IDO2: variants seen among roughly 807,000 people sequenced by gnomAD.
IDO2 encodes indoleamine 2,3-dioxygenase-like 1 protein.
Under a neutral mutation model 45.1 loss-of-function variants are expected in IDO2, and 46 were observed. The ratio of observed to expected loss-of-function variants is 1.02; its 90% CI spans 0.80 to 1.30. IDO2 has a LOEUF of 1.30. Ranked by LOEUF, IDO2 falls within the 50% of genes most tolerant of loss-of-function variation. The probability of loss-of-function intolerance (pLI) is 0.00; values close to 1 mark genes in which losing one functional copy is unlikely to be tolerated. For synonymous variants in IDO2, 218 were observed against 184.9 expected (o/e 1.18, Z -1.45); for missense variants, 544 against 491.8 (o/e 1.11, Z -1.00).
rs1278469066 is a variant in IDO2 at position 40,015,144 on chromosome 8, G to A, written c.869-103G>A. The A allele has an allele frequency of 2.5e-5, 17 of 681,760 alleles. No homozygotes were observed. In the Middle Eastern group the frequency reaches 1.2e-3, roughly 50 times the overall value. 42.2% of individuals were successfully genotyped at this position (681,760 alleles called of 1,614,324 possible). A position where few individuals can be genotyped will look rare whatever the true frequency, so the allele number is the denominator to read the frequency against. On this transcript the variant is annotated intron_variant, in intron 10 of 10. Coordinates refer to ENST00000502986, the Ensembl canonical transcript of IDO2. ...CACTCCAGCCTGGGCAACAGAGCAAGATCTCATCTAGAGAAAAAAAAAATA... is the reference window on the plus strand; with the variant it reads ...CACTCCAGCCTGGGCAACAGAGCAAAATCTCATCTAGAGAAAAAAAAAATA...
At chr8:39,960,873 C>T (rs539369421) in intron 2 of IDO2, among the ~76,000 whole-genome samples, 31 of 152,302 alleles carry the variant, frequency 2.0e-4, no homozygotes, top group Non-Finnish European at 3.8e-4. Flanking sequence ...AGCTCCACCT[C>T]CCGGGTTCAT....
At chr8:39,936,922 C>G (rs1807561769) in intron 1 of IDO2, among the ~76,000 whole-genome samples, 3 of 152,196 alleles carry the variant, frequency 2.0e-5, no homozygotes, top group Admixed American at 6.5e-5. Context: ...GGCCTTATCA[C>G]CTCCTCCTTC....
rs548938758 is a variant in IDO2, at chr8:39,953,057, T to G, written c.99+3793T>G. Among the ~76,000 whole-genome samples, 628 of 152,130 alleles carry G rather than the reference T, an allele frequency of 4.1e-3. 3 individuals are homozygous for G. The highest frequency in any genetic ancestry group is 0.014 in the African/African-American group (597 of 41,508). On this transcript the variant is annotated intron_variant, in intron 2 of 10. Coordinates refer to ENST00000502986, the Ensembl canonical transcript of IDO2. Reference sequence around the variant, plus strand: ...TTCAAGGATTACAGCCATGAACCACTGCGCCTGGCCTAATTTTTGTATTTT... The same window carrying G: ...TTCAAGGATTACAGCCATGAACCACGGCGCCTGGCCTAATTTTTGTATTTT...
chr8:39,959,233 G>A (rs569153723), intron 2 of IDO2, among the ~76,000 whole-genome samples: 18 of 151,124 alleles, frequency 1.2e-4, no homozygotes, highest in African/African-American at 3.6e-4. Context: ...TTAGCCTCCC[G>A]AGTAGCTGGG....
intron 2 of IDO2, among the ~76,000 whole-genome samples, chr8:39,959,713 C>T (rs1807964376): frequency 1.3e-5 from 2 of 152,086 alleles, no homozygotes; most frequent in African/African-American, 4.8e-5. Flanking sequence ...ATCCCAGCTA[C>T]TCTGGAGGCT....
intron 2 of IDO2, among the ~76,000 whole-genome samples, chr8:39,949,512 A>T (rs1345118640): frequency 6.6e-6 from 1 of 152,186 alleles, no homozygotes; most frequent in Non-Finnish European, 1.5e-5. Flanking sequence ...CAGGCCAGAG[A>T]AATTATAAGC....
chr8:40,001,590 G>GT (rs1173034756), intron 8 of IDO2, among the ~76,000 whole-genome samples: 13 of 151,022 alleles, frequency 8.6e-5, no homozygotes, highest in Middle Eastern at 3.4e-3. Flanking sequence ...TATCTTACTT[G>GT]TTTTTTTTAA....
At position 39,949,129 on chromosome 8, in the gene IDO2, CA is replaced by C; in HGVS notation, c.-17-19del. The stretch of plus-strand genomic sequence containing the variant: ...AATTTATTAGGAACAATTGATTCTT[CA>C]GTGACACTTTCCATGCAGATACTTC... On this transcript the variant is annotated intron_variant, in intron 1 of 10. Transcript: ENST00000502986. The C allele has an allele frequency of 6.3e-7, 1 of 1,581,006 alleles. No individual in the cohort carries two copies. The highest frequency in any genetic ancestry group is 8.6e-7 in the Non-Finnish European group (1 of 1,162,054).
At chr8:39,966,941 T>C (rs1274398026) in intron 3 of IDO2, among the ~76,000 whole-genome samples, 1 of 152,214 alleles carries the variant, frequency 6.6e-6, no homozygotes. Flanking sequence ...GCTTTAAATA[T>C]TTTATTTAGT....
intron 2 of IDO2, among the ~76,000 whole-genome samples, chr8:39,960,295 C>T (rs1195522371): frequency 6.6e-6 from 1 of 151,124 alleles, no homozygotes; most frequent in Non-Finnish European, 1.5e-5. Context: ...GAAATTGAGT[C>T]CATAAAAAGT....
At chr8:40,008,901 T>A (rs1323628922) in intron 9 of IDO2, among the ~76,000 whole-genome samples, 1 of 152,238 alleles carries the variant, frequency 6.6e-6, no homozygotes. Flanking sequence ...TAAGTGTAGA[T>A]GGACAAAAAT....
rs1554549463 is a variant in IDO2, at chr8:40,004,525, T to TGATAGATGATA, written c.668-795_668-794insGATAGATAGAT. Among the ~76,000 whole-genome samples, 500 of 144,510 alleles carry TGATAGATGATA rather than the reference T, an allele frequency of 3.5e-3. 1 individual carries two copies. Among genetic ancestry groups the TGATAGATGATA allele is most frequent in the Admixed American group, 5.4e-3 (77 of 14,284 alleles). The allele number at this position is 144,510 out of a possible 152,430, so 94.8% of individuals were successfully genotyped here. On this transcript the variant is annotated intron_variant, in intron 8 of 10. Transcript: ENST00000502986. ...GATGTAGACAGATTAGACAGACAGATGATAGATAGATAGATAGATAGATAG... is the reference window on the plus strand; with the variant it reads ...GATGTAGACAGATTAGACAGACAGATGATAGATGATAGATAGATAGATAGATAGATAGATAG...
At chr8:39,981,486 C>T (rs1808351335) in intron 4 of IDO2, among the ~76,000 whole-genome samples, 2 of 152,040 alleles carry the variant, frequency 1.3e-5, no homozygotes, top group South Asian at 4.2e-4. Flanking sequence ...AGAAGAGTGA[C>T]AGTGGAAAGA....
At chr8:39,989,889 G>C in intron 8 of IDO2, 51 bp downstream of exon 8, 1 of 1,275,436 alleles carries the variant, frequency 7.8e-7, no homozygotes, top group South Asian at 1.4e-5. Context: ...CCTGGGCTCT[G>C]CTTAGGGGAA....
chr8:39,996,000 C>T (rs1802038755), intron 8 of IDO2, among the ~76,000 whole-genome samples: 1 of 151,196 alleles, frequency 6.6e-6, no homozygotes. Flanking sequence ...TCCCTGATTT[C>T]CTATAGATCT....
intron 1 of IDO2, among the ~76,000 whole-genome samples, chr8:39,944,132 G>A (rs1807696023): frequency 6.6e-6 from 1 of 152,176 alleles, no homozygotes; most frequent in Non-Finnish European, 1.5e-5. Context: ...GGAGGAAGGA[G>A]AGATGTGTAT....
chr8:39,967,677 G>A (rs574641127), intron 3 of IDO2, among the ~76,000 whole-genome samples: 37 of 152,142 alleles, frequency 2.4e-4, no homozygotes, highest in Middle Eastern at 3.4e-3. Flanking sequence ...TATTAGAGAC[G>A]GGGTTTCACC....
intron 8 of IDO2, among the ~76,000 whole-genome samples, chr8:39,990,708 T>C (rs560848246): frequency 2.0e-4 from 31 of 152,346 alleles, no homozygotes; most frequent in Admixed American, 1.8e-3. Context: ...ACATGGTTTA[T>C]TATGGCACAT....
In IDO2 at chr8:39,990,158, T is replaced by C. The variant is rs114300373; in HGVS notation, c.667+320T>C. Among the ~76,000 whole-genome samples the C allele has an allele frequency of 5.8e-3, 888 of 152,278 alleles. 11 individuals carry two copies. The highest frequency in any genetic ancestry group is 0.02 in the African/African-American group (832 of 41,552). On this transcript the variant is annotated intron_variant, in intron 8 of 10. Coordinates refer to ENST00000502986, the Ensembl canonical transcript of IDO2. Reference sequence around the variant, plus strand: ...GGGATGGGATGCACAGTAATGTTGGTCGCGCGTGCCCCATCCTGCAGTGTT... The same window carrying C: ...GGGATGGGATGCACAGTAATGTTGGCCGCGCGTGCCCCATCCTGCAGTGTT...
Sources: gnomAD v4.1 joint callset for allele counts (sites outside exome capture counted in the v4.1 genomes callset) on GRCh38, gnomAD v4.1.1 for gene constraint, MANE v1.5 for transcripts, NCBI Gene and HGNC (gene_info 2026-07-23, HGNC 2026-07-21) for gene names.